The following KIRREL3 variants were observed in gnomAD, a reference collection of about 807,000 sequenced individuals.
KIRREL3 encodes the protein kirre like nephrin family adhesion molecule 3, also known as kin of IRRE-like protein 3.
A neutral mutation model predicts 89.7 loss-of-function variants in KIRREL3; 36 were observed. The ratio of observed to expected loss-of-function variants is 0.40; its 90% confidence interval spans 0.31 to 0.53. The LOEUF is 0.53. KIRREL3 is among the 20% of genes least tolerant of loss of function. The probability of loss-of-function intolerance (pLI) is 0.49; values close to 1 mark genes in which losing one functional copy is unlikely to be tolerated. For synonymous variants in KIRREL3, 445 were observed against 441.4 expected, an observed-to-expected ratio of 1.01 and a Z score of -0.10; for missense variants, 864 against 1,056.6, an observed-to-expected ratio of 0.82 and a Z score of 2.53.
chr11:126,648,642 A>G (rs1591874864), intron 1 of KIRREL3, among the ~76,000 whole-genome samples: 2 of 152,302 alleles, frequency 1.3e-5, no homozygotes, highest in South Asian at 4.1e-4. Flanking sequence ...TTATTGACTG[A>G]TGTATCAATG....
chr11:126,728,092 A>T (rs1948462934), intron 1 of KIRREL3, among the ~76,000 whole-genome samples: 1 of 152,146 alleles, frequency 6.6e-6, no homozygotes, highest in African/African-American at 2.4e-5. Context: ...TATCAGAGTC[A>T]CAGAGGGGCT....
chr11:126,760,873 A>C (rs1186429431), intron 1 of KIRREL3, among the ~76,000 whole-genome samples: 1 of 152,228 alleles, frequency 6.6e-6, no homozygotes, highest in African/African-American at 2.4e-5. Flanking sequence ...ATGTGGAAAA[A>C]CACTTTATAG....
chr11:126,836,118 A>G (rs1376780808), intron 1 of KIRREL3, among the ~76,000 whole-genome samples: 1 of 152,168 alleles, frequency 6.6e-6, no homozygotes, highest in Non-Finnish European at 1.5e-5. Flanking sequence ...AGCTTATTTT[A>G]ATCATTTCCC....
In KIRREL3 at chr11:126,996,025, A is replaced by C. The variant is rs1219997472; in HGVS notation, c.55+4430T>G. ...AGAGCAATGTGAAGGCCTTGACCCCACCCCACTCGTCCTCCCCCTAGGGAC... is the reference window on the plus strand; with the variant it reads ...AGAGCAATGTGAAGGCCTTGACCCCCCCCCACTCGTCCTCCCCCTAGGGAC... On this transcript the variant is annotated intron_variant, in intron 1 of 16. Coordinates refer to ENST00000525144, the MANE Select transcript of KIRREL3 (RefSeq NM_032531.4). This position sits in a 1 kb window ranked among gnomAD's most constrained non-coding sequence, Gnocchi z 4.7. Among the ~76,000 whole-genome samples the C allele has an allele frequency of 6.6e-6, 1 of 151,590 alleles. No homozygotes were observed. Among genetic ancestry groups the C allele is most frequent in the African/African-American group, 2.4e-5 (1 of 41,236 alleles).
In KIRREL3 at chr11:126,608,483, G is replaced by A. The variant is rs931036600; in HGVS notation, c.56-45571C>T. On this transcript the variant is annotated intron_variant, in intron 1 of 16. Transcript: ENST00000525144. This position sits in a 1 kb window ranked among gnomAD's most constrained non-coding sequence, Gnocchi z 4.9. Reference sequence around the variant, plus strand: ...CCCTTCCTCTGTCTGTGGGAGGTGCGCGTCTGGCATTCCTCCAGTGCGTTC... The same window carrying A: ...CCCTTCCTCTGTCTGTGGGAGGTGCACGTCTGGCATTCCTCCAGTGCGTTC... Among the ~76,000 whole-genome samples, 4 of 151,918 alleles carry A rather than the reference G, an allele frequency of 2.6e-5. No homozygotes were observed. Among genetic ancestry groups the A allele is most frequent in the African/African-American group, 7.3e-5 (3 of 41,254 alleles).
At chr11:126,514,522 C>T (rs1958339473) in intron 4 of KIRREL3, among the ~76,000 whole-genome samples, 1 of 152,092 alleles carries the variant, frequency 6.6e-6, no homozygotes. Context: ...TAACATTGTG[C>T]AATAATAGCA....
intron 1 of KIRREL3, among the ~76,000 whole-genome samples, chr11:126,834,418 A>C (rs113585534): frequency 0.013 from 2,053 of 152,314 alleles, 49 homozygotes; most frequent in African/African-American, 0.047. Flanking sequence ...CTCACAGATA[A>C]AATGTGGAAG....
rs1949634610 is a variant in KIRREL3 at position 126,978,281 on chromosome 11, G to A, written c.55+22174C>T. Among the ~76,000 whole-genome samples, 1 of 152,094 alleles carries A rather than the reference G, an allele frequency of 6.6e-6. No homozygotes were observed. Among genetic ancestry groups the A allele is most frequent in the Non-Finnish European group, 1.5e-5 (1 of 68,022 alleles). On this transcript the variant is annotated intron_variant, in intron 1 of 16. Coordinates refer to ENST00000525144, the MANE Select transcript of KIRREL3 (RefSeq NM_032531.4). The surrounding 1 kb of genome is among the most constrained non-coding windows in gnomAD (Gnocchi z 4.2). ...CACTTCCTCTACCAACATTCTTCCT[G>A]TGTCAGATCTGTCCTCCCCTGTGGT...
At chr11:126,630,715 T>A (rs114035569) in intron 1 of KIRREL3, among the ~76,000 whole-genome samples, 105 of 152,310 alleles carry the variant, frequency 6.9e-4, no homozygotes, top group African/African-American at 2.3e-3. Context: ...TTTAGAAGCA[T>A]GCCTCACTCC....
Position 126,614,789 on chromosome 11 carries a change from G to A in KIRREL3, c.56-51877C>T, listed in dbSNP as rs1943275233. On this transcript the variant is annotated intron_variant, in intron 1 of 16. Coordinates refer to ENST00000525144, the MANE Select transcript of KIRREL3 (RefSeq NM_032531.4). This position sits in a 1 kb window ranked among gnomAD's most constrained non-coding sequence, Gnocchi z 4.6. ...CGCTGGGAGACTCTGGGGAGATCCT[G>A]AATGGAATTGAATTTCTCTTAGTAT... Among the ~76,000 whole-genome samples the A allele has an allele frequency of 6.6e-6, 1 of 152,184 alleles. No individual in the cohort carries two copies. Among genetic ancestry groups the A allele is most frequent in the Non-Finnish European group, 1.5e-5 (1 of 68,034 alleles).
At chr11:126,585,779 G>A (rs529517093) in intron 1 of KIRREL3, among the ~76,000 whole-genome samples, 4 of 152,168 alleles carry the variant, frequency 2.6e-5, no homozygotes, top group African/African-American at 7.2e-5. Flanking sequence ...TCACACTCTG[G>A]GGGGGCATCT....
chr11:126,820,662 AGGTGGGAGATGT>A (rs1592174701), intron 1 of KIRREL3, among the ~76,000 whole-genome samples: 1 of 152,186 alleles, frequency 6.6e-6, no homozygotes, highest in East Asian at 1.9e-4. Context: ...GGGTCTGGAC[AGGTGGGAGATGT>A]GGTGGGAGAT....
Position 126,879,920 on chromosome 11 carries a change from G to A in KIRREL3, c.55+120535C>T, listed in dbSNP as rs915923023. ...CAGACCATTCCCCCACCACCCCGCC[G>A]CCATCTCAGTTATTCAAGAAGGAAG... On this transcript the variant is annotated intron_variant, in intron 1 of 16. Coordinates refer to ENST00000525144, the MANE Select transcript of KIRREL3 (RefSeq NM_032531.4). This position sits in a 1 kb window ranked among gnomAD's most constrained non-coding sequence, Gnocchi z 5.4. Among the ~76,000 whole-genome samples, 5 of 152,176 alleles carry A rather than the reference G, an allele frequency of 3.3e-5. No homozygotes were observed. Among genetic ancestry groups the A allele is most frequent in the South Asian group, 2.1e-4 (1 of 4,820 alleles).
intron 1 of KIRREL3, among the ~76,000 whole-genome samples, chr11:126,637,532 T>G (rs967562202): frequency 1.3e-5 from 2 of 152,198 alleles, no homozygotes; most frequent in African/African-American, 2.4e-5. Flanking sequence ...CACATTTAGC[T>G]AGTTTCTCCT....
rs1452166250 is a variant in KIRREL3 at position 126,909,168 on chromosome 11, T to A, written c.55+91287A>T. On this transcript the variant is annotated intron_variant, in intron 1 of 16. Coordinates refer to ENST00000525144, the MANE Select transcript of KIRREL3 (RefSeq NM_032531.4). This position sits in a 1 kb window ranked among gnomAD's most constrained non-coding sequence, Gnocchi z 4.5. ...ACCACCATGAAGACATAGGTCACCA[T>A]GAACATGAAGTGTGGGAGACCTAAT... Among the ~76,000 whole-genome samples, 1 of 152,082 alleles carries A rather than the reference T, an allele frequency of 6.6e-6. No homozygotes were observed. The highest frequency in any genetic ancestry group is 1.5e-5 in the Non-Finnish European group (1 of 68,016).
chr11:126,468,168 C>G (rs1244377086), intron 5 of KIRREL3, among the ~76,000 whole-genome samples: 2 of 152,206 alleles, frequency 1.3e-5, no homozygotes, highest in Non-Finnish European at 2.9e-5. Context: ...CGCCCCTCCT[C>G]TTCCGTAACC....
chr11:126,651,922 T>C lies in KIRREL3; in HGVS notation c.56-89010A>G, dbSNP rs1565621168. Among the ~76,000 whole-genome samples the C allele has an allele frequency of 6.6e-6, 1 of 152,130 alleles. No individual in the cohort carries two copies. Among genetic ancestry groups the C allele is most frequent in the Non-Finnish European group, 1.5e-5 (1 of 68,022 alleles). ...AACAGGTCTAATCATGACACCTCCA[T>C]AAAGTCATGGGAAGTCCCTAATGAA... On this transcript the variant is annotated intron_variant, in intron 1 of 16. Coordinates refer to ENST00000525144, the MANE Select transcript of KIRREL3 (RefSeq NM_032531.4). This position sits in a 1 kb window ranked among gnomAD's most constrained non-coding sequence, Gnocchi z 4.6.
chr11:126,471,664 G>T lies in KIRREL3; in HGVS notation c.591+1645C>A, dbSNP rs1956895557. On this transcript the variant is annotated intron_variant, in intron 5 of 16. Coordinates refer to ENST00000525144, the MANE Select transcript of KIRREL3 (RefSeq NM_032531.4). The surrounding 1 kb of genome is among the most constrained non-coding windows in gnomAD (Gnocchi z 5.4). ...TGATGTGTGGCCCTGGGGAGATTTA[G>T]GGTAGGGGTATAATGTCCTGGACTA... Among the ~76,000 whole-genome samples the T allele has an allele frequency of 6.6e-6, 1 of 151,892 alleles. No homozygotes were observed. The highest frequency in any genetic ancestry group is 2.4e-5 in the African/African-American group (1 of 41,312).
At chr11:126,671,940 T>C (rs1244642111) in intron 1 of KIRREL3, among the ~76,000 whole-genome samples, 1 of 152,216 alleles carries the variant, frequency 6.6e-6, no homozygotes, top group African/African-American at 2.4e-5. Flanking sequence ...CCCAGCTGAT[T>C]TGAAAACTTA....
Sources: gnomAD v4.1 joint callset for allele counts (sites outside exome capture counted in the v4.1 genomes callset) on GRCh38, gnomAD v4.1.1 for gene constraint, Gnocchi (gnomAD v3.1) non-coding constraint, MANE v1.5 for transcripts, NCBI Gene and HGNC (gene_info 2026-07-23, HGNC 2026-07-21) for gene names.